ARK2C: variants seen among roughly 807,000 people sequenced by gnomAD.
ARK2C encodes the protein E3 ubiquitin-protein ligase ARK2C.
At chr18:46,420,105 G>A in the ARK2C span, among the ~76,000 whole-genome samples, 1 of 152,292 alleles carries the variant, frequency 6.6e-6, no homozygotes, top group African/African-American at 2.4e-5. Flanking sequence ...TCAGGGGCGT[G>A]TGGAGGTCAA....
At chr18:46,361,645 A>G in the ARK2C span, among the ~76,000 whole-genome samples, 2 of 152,212 alleles carry the variant, frequency 1.3e-5, no homozygotes, top group African/African-American at 4.8e-5. Flanking sequence ...ATACATGATT[A>G]TGGCAGGAGC....
chr18:46,449,003 A>G, the ARK2C span, among the ~76,000 whole-genome samples: 4 of 152,162 alleles, frequency 2.6e-5, no homozygotes, highest in African/African-American at 7.2e-5. Context: ...TGCTTTGTGT[A>G]TGAAGCACCA....
chr18:46,364,390 G>A, the ARK2C span, among the ~76,000 whole-genome samples: 5 of 139,586 alleles, frequency 3.6e-5, no homozygotes, highest in Admixed American at 1.5e-4. Flanking sequence ...ATGTTTTGGT[G>A]TGGTCTAAGA....
the ARK2C span, among the ~76,000 whole-genome samples, chr18:46,416,771 A>G: frequency 6.6e-6 from 1 of 152,236 alleles, no homozygotes; most frequent in Non-Finnish European, 1.5e-5. Flanking sequence ...ATTCTCCAGC[A>G]GGTTAGCCTG....
At chr18:46,415,380 T>C in the ARK2C span, among the ~76,000 whole-genome samples, 4 of 151,930 alleles carry the variant, frequency 2.6e-5, no homozygotes, top group Non-Finnish European at 2.9e-5. Context: ...ATTTTTTATA[T>C]TTATAGGCAG....
At chr18:46,430,080 G>T in the ARK2C span, among the ~76,000 whole-genome samples, 13 of 152,168 alleles carry the variant, frequency 8.5e-5, no homozygotes, top group African/African-American at 3.1e-4. Flanking sequence ...CCTCTGTCAG[G>T]TGCAGCCTTA....
At chr18:46,411,348 C>G in the ARK2C span, among the ~76,000 whole-genome samples, 1 of 152,190 alleles carries the variant, frequency 6.6e-6, no homozygotes, top group South Asian at 2.1e-4. Flanking sequence ...CTAGAGGCCT[C>G]TGTACTTGGC....
chr18:46,360,329 A>C, the ARK2C span, among the ~76,000 whole-genome samples: 1 of 152,188 alleles, frequency 6.6e-6, no homozygotes, highest in South Asian at 2.1e-4. Context: ...AGGAACACAG[A>C]GGGTGCTCCC....
chr18:46,401,822 C>T, the ARK2C span, among the ~76,000 whole-genome samples: 1 of 152,244 alleles, frequency 6.6e-6, no homozygotes, highest in Non-Finnish European at 1.5e-5. Context: ...GGTAGGAAGG[C>T]ACCTCTGGTG....
At chr18:46,437,548 A>T in the ARK2C span, among the ~76,000 whole-genome samples, 3 of 151,612 alleles carry the variant, frequency 2.0e-5, no homozygotes, top group South Asian at 6.2e-4. Flanking sequence ...GCCCATGTCC[A>T]GCCCAAGGTC....
chr18:46,399,656 C>T, the ARK2C span, among the ~76,000 whole-genome samples: 1 of 152,136 alleles, frequency 6.6e-6, no homozygotes, highest in Non-Finnish European at 1.5e-5. Context: ...GCTGGGGCCA[C>T]CAGCGCTCTA....
chr18:46,376,394 C>A, the ARK2C span, among the ~76,000 whole-genome samples: 4 of 152,220 alleles, frequency 2.6e-5, no homozygotes, highest in African/African-American at 9.6e-5. Context: ...GAGGCCACAG[C>A]GTGGCCCTGG....
At chr18:46,447,832 C>T in the ARK2C span, 2 of 943,022 alleles carry the variant, frequency 2.1e-6, no homozygotes, top group South Asian at 1.5e-5. Context: ...TTCCACATGA[C>T]CCAGCTCACC....
At chr18:46,350,012 C>A in the ARK2C span, among the ~76,000 whole-genome samples, 1 of 152,186 alleles carries the variant, frequency 6.6e-6, no homozygotes, top group African/African-American at 2.4e-5. Flanking sequence ...CATATACACA[C>A]CCATGTTCCA....
At chr18:46,407,105 C>T in the ARK2C span, among the ~76,000 whole-genome samples, 1 of 152,232 alleles carries the variant, frequency 6.6e-6, no homozygotes, top group African/African-American at 2.4e-5. Flanking sequence ...TTGCATCCTA[C>T]CACACAAAGT....
the ARK2C span, among the ~76,000 whole-genome samples, chr18:46,454,723 G>A: frequency 6.6e-6 from 1 of 152,142 alleles, no homozygotes. Flanking sequence ...TTTTCTCTTT[G>A]CAAAATGATC....
chr18:46,448,533 T>C, the ARK2C span, among the ~76,000 whole-genome samples: 63 of 152,288 alleles, frequency 4.1e-4, no homozygotes, highest in African/African-American at 1.5e-3. Context: ...CCTCATTTAG[T>C]TTCCTGTGGT....
the ARK2C span, among the ~76,000 whole-genome samples, chr18:46,359,831 G>C: frequency 6.6e-6 from 1 of 152,198 alleles, no homozygotes; most frequent in African/African-American, 2.4e-5. Flanking sequence ...ATTCCAGCCA[G>C]AGGATGGGAT....
the ARK2C span, chr18:46,450,404 T>C: frequency 6.3e-7 from 1 of 1,593,790 alleles, no homozygotes; most frequent in Non-Finnish European, 8.6e-7. Context: ...CTATGAGGTA[T>C]GTTGCTCTGT....
Sources: gnomAD v4.1 joint callset for allele counts (sites outside exome capture counted in the v4.1 genomes callset) on GRCh38, gnomAD v4.1.1 for gene constraint, MANE v1.5 for transcripts, NCBI Gene and HGNC (gene_info 2026-07-23, HGNC 2026-07-21) for gene names.